ABCD3: variants seen among roughly 807,000 people sequenced by gnomAD.
The protein encoded by ABCD3 is ATP-binding cassette sub-family D member 3.
In ABCD3, 41 loss-of-function variants were observed where a neutral mutation model predicts 105.5. The ratio of observed to expected loss-of-function variants is 0.39; its 90% CI spans 0.30 to 0.50. The LOEUF (loss-of-function observed/expected upper bound fraction) is 0.50. ABCD3 is among the 20% of genes least tolerant of loss of function. The probability of loss-of-function intolerance (pLI) is 0.84; values close to 1 mark genes in which losing one functional copy is unlikely to be tolerated. For synonymous variants in ABCD3, 258 were observed against 269.0 expected (o/e 0.96, Z 0.40); for missense variants, 622 against 806.3 (o/e 0.77, Z 2.77).
chr1:94,452,006 G>C (rs1647284206), intron 1 of ABCD3, among the ~76,000 whole-genome samples: 1 of 152,026 alleles, frequency 6.6e-6, no homozygotes, highest in Non-Finnish European at 1.5e-5. Flanking sequence ...CATACCCACT[G>C]TCTTTGTTCA....
At chr1:94,390,844 C>G in the ABCD3 span, among the ~76,000 whole-genome samples, 1 of 152,136 alleles carries the variant, frequency 6.6e-6, no homozygotes, top group Non-Finnish European at 1.5e-5. Flanking sequence ...CTAACAGATC[C>G]CCTAAACCGA....
At chr1:94,513,999 A>C (rs1330309387) in intron 21 of ABCD3, 2 of 152,108 alleles carry the variant, frequency 1.3e-5, no homozygotes, top group African/African-American at 4.8e-5. Flanking sequence ...AGAGGTGTAG[A>C]TACAAACCGA....
At chr1:94,404,945 A>C in the ABCD3 span, among the ~76,000 whole-genome samples, 1 of 151,488 alleles carries the variant, frequency 6.6e-6, no homozygotes, top group Non-Finnish European at 1.5e-5. Flanking sequence ...CTCGAAAAAA[A>C]AAAAAAGAAA....
intron 2 of ABCD3, among the ~76,000 whole-genome samples, chr1:94,464,362 T>A (rs911328671): frequency 1.3e-5 from 2 of 152,080 alleles, no homozygotes; most frequent in Non-Finnish European, 2.9e-5. Flanking sequence ...AGGAAGTGGC[T>A]AATACAAAAC....
At chr1:94,422,917 G>A (rs755284013) in intron 1 of ABCD3, among the ~76,000 whole-genome samples, 6 of 152,188 alleles carry the variant, frequency 3.9e-5, no homozygotes, top group African/African-American at 1.4e-4. Flanking sequence ...AGTTTCTTTC[G>A]CTTCTTATCA....
chr1:94,424,715 C>T (rs1017022985), intron 1 of ABCD3, among the ~76,000 whole-genome samples: 9 of 152,228 alleles, frequency 5.9e-5, no homozygotes, highest in African/African-American at 2.2e-4. Context: ...CTGTGCCTGG[C>T]CCCTGCCACT....
the ABCD3 span, among the ~76,000 whole-genome samples, chr1:94,404,331 T>C: frequency 2.0e-5 from 3 of 152,320 alleles, no homozygotes; most frequent in African/African-American, 7.2e-5. Flanking sequence ...TTCTTCCTTA[T>C]CCACAACCCT....
At chr1:94,441,547 T>C (rs1354222255) in intron 1 of ABCD3, among the ~76,000 whole-genome samples, 1 of 152,176 alleles carries the variant, frequency 6.6e-6, no homozygotes, top group Non-Finnish European at 1.5e-5. Context: ...GGGTTATTCA[T>C]TGGGCATTTC....
At chr1:94,463,030 G>A (rs1179242988) in intron 2 of ABCD3, among the ~76,000 whole-genome samples, 1 of 152,094 alleles carries the variant, frequency 6.6e-6, no homozygotes, top group Non-Finnish European at 1.5e-5. Flanking sequence ...CTGTGAGTGG[G>A]GCTTTTTGTC....
At chr1:94,515,551 A>G (rs2101074246) in intron 22 of ABCD3, among the ~76,000 whole-genome samples, 1 of 152,102 alleles carries the variant, frequency 6.6e-6, no homozygotes, top group East Asian at 1.9e-4. Flanking sequence ...CAAAAAATTT[A>G]GGGACATTTT....
At chr1:94,438,457 A>G (rs542396525) in intron 1 of ABCD3, among the ~76,000 whole-genome samples, 7 of 152,310 alleles carry the variant, frequency 4.6e-5, no homozygotes, top group African/African-American at 1.4e-4. Flanking sequence ...ACAACAAAGG[A>G]TTTACAATAT....
rs745383427 is a variant in ABCD3 at position 94,498,990 on chromosome 1, C to A, written c.1576C>A (p.Pro526Thr). ...LGTLRDQVIY[P>T]DGREDQKRKG... is the part of the protein sequence containing the mutation. ...AACACTTCGAGATCAAGTGATATAT[C>A]CAGATGGACGAGAAGATCAGAAAAG... The change falls in exon 19 of 23, where the codon CCA (proline) becomes ACA (threonine). Residue 526 changes from proline (P) to threonine (T), a missense_variant. Pro to Thr is a conservative substitution (Grantham distance 38). Around this residue, in one of 4 missense-constraint regions of ABCD3, gnomAD observed 285 missense variants for 352.5 expected, o/e 0.81. Coordinates refer to ENST00000370214, the MANE Select transcript of ABCD3 (RefSeq NM_002858.4). 6.2e-7 allele frequency: 1 copy of A among 1,613,870 alleles called. No homozygotes were observed. Among genetic ancestry groups the A allele is most frequent in the Non-Finnish European group, 8.5e-7 (1 of 1,179,938 alleles).
chr1:94,493,206 G>C (rs567836948), intron 16 of ABCD3, among the ~76,000 whole-genome samples: 1 of 151,842 alleles, frequency 6.6e-6, no homozygotes, highest in Non-Finnish European at 1.5e-5. Flanking sequence ...ATCTGACAAA[G>C]GGCTAATATC....
chr1:94,409,077 G>A, the ABCD3 span, among the ~76,000 whole-genome samples: 1 of 151,728 alleles, frequency 6.6e-6, no homozygotes, highest in African/African-American at 2.4e-5. Flanking sequence ...TCATCTGGGG[G>A]GTGGCAGGAG....
Position 94,418,392 on chromosome 1 carries a change from A to C in ABCD3, c.-87A>C. On this transcript the variant is annotated 5_prime_UTR_variant, in exon 1 of 23. Transcript: ENST00000370214. ...CGGCCCCGCCCTCTGCTCTCCTCCC[A>C]GTCTCCCCCGCGCTGCGTGCAGTAA... 2.5e-6 allele frequency: 3 copies of C among 1,204,258 alleles called. No homozygotes were observed. Among genetic ancestry groups the C allele is most frequent in the Non-Finnish European group, 3.5e-6 (3 of 847,934 alleles). The allele number at this position is 1,204,258 out of a possible 1,614,324, so 74.6% of individuals were successfully genotyped here.
At chr1:94,426,349 G>A (rs1659468898) in intron 1 of ABCD3, among the ~76,000 whole-genome samples, 1 of 152,168 alleles carries the variant, frequency 6.6e-6, no homozygotes, top group African/African-American at 2.4e-5. Context: ...GGCATTCAAA[G>A]TGTCTTCTCA....
At chr1:94,501,630 G>C (rs535407090) in intron 20 of ABCD3, among the ~76,000 whole-genome samples, 17 of 152,300 alleles carry the variant, frequency 1.1e-4, no homozygotes, top group Middle Eastern at 3.4e-3. Flanking sequence ...CAGTGAGTCA[G>C]CCAGGGTTGC....
rs773202012 is a variant in ABCD3 at position 94,475,698 on chromosome 1, T to C, written c.588T>C (p.Phe196=). The C allele has an allele frequency of 3.7e-6, 6 of 1,608,992 alleles. No individual in the cohort carries two copies. In the South Asian group the frequency reaches 6.6e-5, roughly 18 times the overall value. The change falls in exon 7 of 23, where the codon TTT becomes TTC. Residue 196 remains phenylalanine, a synonymous_variant. Coordinates refer to ENST00000370214, the MANE Select transcript of ABCD3 (RefSeq NM_002858.4). ...TGCTTACACAAGATGTAGAAAAATT[T>C]TGTAACAGTGTAGTCGATCTGTATT... The part of the protein sequence containing the change: ...DQLLTQDVEK[F]CNSVVDLYSN...
At chr1:94,423,786 C>G (rs1659360607) in intron 1 of ABCD3, among the ~76,000 whole-genome samples, 1 of 151,992 alleles carries the variant, frequency 6.6e-6, no homozygotes, top group Non-Finnish European at 1.5e-5. Flanking sequence ...CATTGGGTGT[C>G]CTTATATCTC....
Sources: allele counts gnomAD v4.1 joint callset (sites outside exome capture counted in the v4.1 genomes callset), GRCh38; gene constraint gnomAD v4.1.1; regional missense constraint gnomAD v4.1.1; transcripts MANE v1.5; gene names NCBI Gene and HGNC (gene_info 2026-07-23, HGNC 2026-07-21).